Variants in ENG observed in about 807,000 individuals in gnomAD.
ENG encodes CD105 antigen.
A neutral mutation model predicts 71.0 loss-of-function variants in ENG; 17 were observed. That is an observed-to-expected ratio of 0.24 (90% CI 0.16 to 0.36). ENG has a LOEUF of 0.36. ENG is among the 10% of genes least tolerant of loss of function. The probability of loss-of-function intolerance (pLI) is 1.00; values close to 1 mark genes in which losing one functional copy is unlikely to be tolerated. For synonymous variants in ENG, 360 were observed against 366.9 expected (o/e 0.98, Z 0.21); for missense variants, 749 against 868.3 (o/e 0.86, Z 1.73).
chr9:127,842,804 G>T (rs552047697), intron 2 of ENG, among the ~76,000 whole-genome samples: 1 of 151,518 alleles, frequency 6.6e-6, no homozygotes, highest in Non-Finnish European at 1.5e-5. Flanking sequence ...ATCATTGGAG[G>T]TGCATAAGCA....
intron 8 of ENG, chr9:127,821,465 C>G (rs564349785): frequency 6.6e-6 from 1 of 152,212 alleles, no homozygotes; most frequent in South Asian, 2.1e-4. Context: ...TGCAGTGGCT[C>G]ACGCCTGTAA....
chr9:127,832,913 T>TGCCCA (rs1434191177), intron 2 of ENG, among the ~76,000 whole-genome samples: 3 of 152,064 alleles, frequency 2.0e-5, no homozygotes, highest in African/African-American at 7.2e-5. Flanking sequence ...CATGCCACCA[T>TGCCCA]GCCCAGCTAA....
At chr9:127,826,234 G>T (rs1447044278) in intron 4 of ENG, among the ~76,000 whole-genome samples, 1 of 152,240 alleles carries the variant, frequency 6.6e-6, no homozygotes, top group Non-Finnish European at 1.5e-5. Flanking sequence ...CAAGTGCCTA[G>T]CATGATAGGG....
chr9:127,815,620 A>C lies in ENG; in HGVS notation c.*62T>G, dbSNP rs1485624615. ...GGACTGGCTCCCAGGGTGAGTTCAC[A>C]CCAGTGCTCCCAGCTGGCGGCTGCT... On this transcript the variant is annotated 3_prime_UTR_variant, in exon 15 of 15. Coordinates refer to ENST00000373203, the MANE Select transcript of ENG (RefSeq NM_001114753.3). The C allele has an allele frequency of 6.5e-7, 1 of 1,531,298 alleles. No homozygotes were observed. The highest frequency in any genetic ancestry group is 2.4e-5 in the East Asian group (1 of 41,030). The allele number at this position is 1,531,298 out of a possible 1,614,324, so 94.9% of individuals were successfully genotyped here.
rs749797568 is a variant in ENG at position 127,824,269 on chromosome 9, G to A, written c.1134+35C>T. On this transcript the variant is annotated intron_variant, in intron 8 of 14. Transcript: ENST00000373203. ...GCTAGGGGAGGAACCAGATGTCCAT[G>A]TCATCCTGAGCCAGAGGGGCAGGAG... 1.5e-5 allele frequency: 25 copies of A among 1,613,858 alleles called. No individual in the cohort carries two copies. In the Middle Eastern group the frequency reaches 4.9e-4, roughly 32 times the overall value.
intron 9 of ENG, 73 bp downstream of exon 9, chr9:127,819,827 G>A: frequency 6.2e-7 from 1 of 1,613,056 alleles, no homozygotes; most frequent in Non-Finnish European, 8.5e-7. Flanking sequence ...CCTCCACCCT[G>A]GGGGATCAGG....
In ENG at chr9:127,846,847, G is replaced by A; in HGVS notation, c.68-3602C>T. 1 of 985,170 alleles carries A rather than the reference G, an allele frequency of 1.0e-6. No homozygotes were observed. The highest frequency in any genetic ancestry group is 1.2e-6 in the Non-Finnish European group (1 of 829,796). 61.0% of individuals were successfully genotyped at this position (985,170 alleles called of 1,614,324 possible). A position where few individuals can be genotyped will look rare whatever the true frequency, so the allele number is the denominator to read the frequency against. On this transcript the variant is annotated intron_variant, in intron 1 of 14. Coordinates refer to ENST00000373203, the MANE Select transcript of ENG (RefSeq NM_001114753.3). This position sits in a 1 kb window ranked among gnomAD's most constrained non-coding sequence, Gnocchi z 5.5. ...TGGGTGACTGGAACCCCAAGTGAGA[G>A]ACCCAGAAGCCACCTCCCACCACTG...
chr9:127,826,688 G>A lies in ENG; in HGVS notation c.361-16C>T. The A allele has an allele frequency of 6.2e-7, 1 of 1,613,034 alleles. No individual in the cohort carries two copies. Among genetic ancestry groups the A allele is most frequent in the Non-Finnish European group, 8.5e-7 (1 of 1,179,976 alleles). On this transcript the variant is annotated splice_polypyrimidine_tract_variant and intron_variant, in intron 3 of 14. Coordinates refer to ENST00000373203, the MANE Select transcript of ENG (RefSeq NM_001114753.3). ...GGCTGGAATTCTGGGGAGACATGTG[G>A]AGGCTCAGCACGCTGTTCCTGGCCC...
At chr9:127,834,210 C>T (rs1345895264) in intron 2 of ENG, among the ~76,000 whole-genome samples, 2 of 151,640 alleles carry the variant, frequency 1.3e-5, no homozygotes, top group African/African-American at 2.4e-5. Flanking sequence ...GTAGCTGGGA[C>T]TACAGGCGTG....
chr9:127,815,769 A>G lies in ENG; in HGVS notation c.1890T>C (p.Ala630=), dbSNP rs1830293393. 6.5e-7 allele frequency: 1 copy of G among 1,545,394 alleles called. No homozygotes were observed. The highest frequency in any genetic ancestry group is 2.0e-5 in the Admixed American group (1 of 51,098). ...TGCTGCTCTCCGAGGAGGCCGGGGC[A>G]GCCACCGCCACCACGGGCTCCCGCT... is the stretch of plus-strand genomic sequence containing the variant. ...PSKREPVVAV[A]APASSESSST... Residue 630 remains alanine (A), a synonymous_variant, in exon 15 of 15, where the codon GCT becomes GCC. Transcript: ENST00000373203.
At chr9:127,844,839 C>T (rs572986701) in intron 1 of ENG, among the ~76,000 whole-genome samples, 2 of 152,350 alleles carry the variant, frequency 1.3e-5, no homozygotes, top group African/African-American at 2.4e-5. Context: ...AAAGCTTCCC[C>T]TCTCTTGCCT....
chr9:127,816,950 A>G (rs1830335460), intron 13 of ENG, 199 bp downstream of exon 13: 1 of 656,548 alleles, frequency 1.5e-6, no homozygotes, highest in Non-Finnish European at 2.7e-6. Flanking sequence ...AGGGCTCTCC[A>G]TCTGCAAAGT....
chr9:127,837,785 T>TCCAC (rs1830938765), intron 2 of ENG, among the ~76,000 whole-genome samples: 1 of 134,792 alleles, frequency 7.4e-6, no homozygotes, highest in Admixed American at 7.1e-5. Context: ...CATCCATCCA[T>TCCAC]CCATCCATCC....
chr9:127,836,856 C>T lies in ENG; in HGVS notation c.219+6238G>A, dbSNP rs1202953815. 2.0e-5 allele frequency among the ~76,000 whole-genome samples: 3 copies of T among 152,074 alleles called. No homozygotes were observed. The highest frequency in any genetic ancestry group is 2.1e-4 in the South Asian group (1 of 4,816). On this transcript the variant is annotated intron_variant, in intron 2 of 14. Coordinates refer to ENST00000373203, the MANE Select transcript of ENG (RefSeq NM_001114753.3). This position sits in a 1 kb window ranked among gnomAD's most constrained non-coding sequence, Gnocchi z 4.0. Reference sequence around the variant, plus strand: ...AGGCTGGAGTACAGTGGCACGATCTCGGCTCACTGCAATCTCCGCCTCCTG... The same window carrying T: ...AGGCTGGAGTACAGTGGCACGATCTTGGCTCACTGCAATCTCCGCCTCCTG...
intron 1 of ENG, among the ~76,000 whole-genome samples, chr9:127,847,621 T>A (rs1392310844): frequency 6.6e-6 from 1 of 152,102 alleles, no homozygotes; most frequent in Non-Finnish European, 1.5e-5. Context: ...AGCTAATTTT[T>A]GTATTTTTTG....
chr9:127,854,301 G>T lies in ENG; in HGVS notation c.55C>A (p.Leu19Ile). Residue 19 changes from leucine (L) to isoleucine (I), a missense_variant, in exon 1 of 15, where the codon CTC (leucine) becomes ATC (isoleucine). By Grantham distance (5) the Leu-to-Ile change is conservative (BLOSUM62 2). Coordinates refer to ENST00000373203, the MANE Select transcript of ENG (RefSeq NM_001114753.3). Reference sequence around the variant, plus strand: ...CCTGGACACCTACTTGTGGGGCTGAGGCTGCAGCTGGCCAGCAGCAGGGCA... The same window carrying T: ...CCTGGACACCTACTTGTGGGGCTGATGCTGCAGCTGGCCAGCAGCAGGGCA... ...AVALLLASCSLSPTSLAETVH... is the reference protein window; with the variant it reads ...AVALLLASCSISPTSLAETVH... 1 of 1,591,418 alleles carries T rather than the reference G, an allele frequency of 6.3e-7. No individual in the cohort carries two copies. The highest frequency in any genetic ancestry group is 1.1e-5 in the South Asian group (1 of 87,424).
At position 127,819,931 on chromosome 9, in the gene ENG, A is replaced by G. The variant is rs1830432509; in HGVS notation, c.1241T>C (p.Met414Thr). 31 of 1,614,250 alleles carry G rather than the reference A, an allele frequency of 1.9e-5. No individual in the cohort carries two copies. Among genetic ancestry groups the G allele is most frequent in the Non-Finnish European group, 2.6e-5 (31 of 1,180,046 alleles). ...GCTGATCATACTTGCTGACACCTGC[A>G]TGCCACAGCTGGAGTAAGCACTGCG... ...VLRSAYSSCGMQVSASMISNE... is the reference protein window; with the variant it reads ...VLRSAYSSCGTQVSASMISNE... The change falls in exon 9 of 15, where the codon ATG becomes ACG. Residue 414 changes from methionine (M) to threonine (T), a missense_variant. Coordinates refer to ENST00000373203, the MANE Select transcript of ENG (RefSeq NM_001114753.3).
intron 3 of ENG, among the ~76,000 whole-genome samples, chr9:127,827,681 TCTCA>T (rs1205969902): frequency 5.9e-5 from 9 of 152,024 alleles, no homozygotes; most frequent in African/African-American, 2.2e-4. Flanking sequence ...GAGACGAGGG[TCTCA>T]CTATGTTGCC....
intron 1 of ENG, 129 bp downstream of exon 1, chr9:127,854,160 C>A: frequency 4.4e-6 from 4 of 916,832 alleles, no homozygotes; most frequent in South Asian, 1.6e-5. Context: ...GGGTTGGTGA[C>A]CCTCCAGAGC....
Sources: gnomAD v4.1 joint callset for allele counts (sites outside exome capture counted in the v4.1 genomes callset) on GRCh38, gnomAD v4.1.1 for gene constraint, Gnocchi (gnomAD v3.1) non-coding constraint, MANE v1.5 for transcripts, NCBI Gene and HGNC (gene_info 2026-07-23, HGNC 2026-07-21) for gene names.